ADORA1: variants seen among roughly 807,000 people sequenced by gnomAD.
ADORA1 encodes adenosine A1 receptor, also known as adenosine receptor A1.
ADORA1 carries 6 observed loss-of-function variants against 19.9 expected under a neutral mutation model. The ratio of observed to expected loss-of-function variants is 0.30; its 90% CI spans 0.17 to 0.59. ADORA1 has a LOEUF of 0.59. ADORA1 is among the 20% of genes least tolerant of loss of function. The pLI is 0.87. For synonymous variants in ADORA1, 194 were observed against 188.4 expected (o/e 1.03, Z -0.24); for missense variants, 302 against 439.2 (o/e 0.69, Z 2.79).
chr1:203,166,699 T>G lies in ADORA1; in HGVS notation c.*799T>G, dbSNP rs1293890295. On this transcript the variant is annotated 3_prime_UTR_variant, in exon 4 of 4. Coordinates refer to ENST00000337894, the MANE Select transcript of ADORA1 (RefSeq NM_000674.3). ...GAGCCCTCCTTCTTGCCCTGAGCTTTCCGGGGAGGAGCCTTGGAGTGTAAT... is the reference window on the plus strand; with the variant it reads ...GAGCCCTCCTTCTTGCCCTGAGCTTGCCGGGGAGGAGCCTTGGAGTGTAAT... 2.4e-5 allele frequency: 1 copy of G among 40,968 alleles called. No homozygotes were observed. Among genetic ancestry groups the G allele is most frequent in the Non-Finnish European group, 5.7e-5 (1 of 17,414 alleles). The allele number at this position is 40,968 out of a possible 1,614,324, so 2.5% of individuals were successfully genotyped here.
intron 3 of ADORA1, among the ~76,000 whole-genome samples, chr1:203,161,605 C>T (rs1655371130): frequency 6.8e-6 from 1 of 147,136 alleles, no homozygotes; most frequent in Non-Finnish European, 1.5e-5. Flanking sequence ...GATTTTCGCT[C>T]TTGTTGCCTA....
chr1:203,138,979 C>T (rs191956664), intron 3 of ADORA1, among the ~76,000 whole-genome samples: 10 of 152,122 alleles, frequency 6.6e-5, no homozygotes, highest in Admixed American at 3.9e-4. Flanking sequence ...CCACCATGCC[C>T]GGCTAATATT....
At chr1:203,159,188 G>A (rs546637568) in intron 3 of ADORA1, among the ~76,000 whole-genome samples, 1 of 152,330 alleles carries the variant, frequency 6.6e-6, no homozygotes, top group East Asian at 1.9e-4. Flanking sequence ...CTGCCTGGAT[G>A]GCTAAAATAG....
At chr1:203,154,913 G>A (rs922876826) in intron 3 of ADORA1, among the ~76,000 whole-genome samples, 9 of 152,230 alleles carry the variant, frequency 5.9e-5, no homozygotes, top group African/African-American at 7.2e-5. Flanking sequence ...TATGTAGGAC[G>A]TCTATGCCCA....
intron 3 of ADORA1, chr1:203,150,821 T>G: frequency 7.8e-7 from 1 of 1,287,174 alleles, no homozygotes; most frequent in Non-Finnish European, 1.0e-6. Flanking sequence ...CCCTATCTGC[T>G]GTCTGTTGAA....
rs781665257 is a variant in ADORA1, at chr1:203,165,451, G to T, written c.532G>T (p.Glu178Ter). The T allele has an allele frequency of 1.2e-6, 2 of 1,613,790 alleles. No individual in the cohort carries two copies. The highest frequency in any genetic ancestry group is 3.3e-5 in the Admixed American group (2 of 59,952). ...CGAGTTCGAGAAGGTCATCAGCATG[G>T]AGTACATGGTCTACTTCAACTTCTT... ...KCEFEKVISMEYMVYFNFFVW... is the reference protein window; with the variant it reads ...KCEFEKVISM The change falls in exon 4 of 4, where the codon GAG (glutamate) becomes TAG (stop). Residue 178 changes from glutamate to a stop codon, truncating the protein, a stop_gained. Transcript: ENST00000337894. LOFTEE classifies it high-confidence loss of function. The surrounding 1 kb of genome is among the most constrained non-coding windows in gnomAD (Gnocchi z 5.9).
Position 203,166,058 on chromosome 1 carries a change from T to C in ADORA1, c.*158T>C. 1 of 1,005,808 alleles carries C rather than the reference T, an allele frequency of 9.9e-7. No homozygotes were observed. Among genetic ancestry groups the C allele is most frequent in the Non-Finnish European group, 1.4e-6 (1 of 732,750 alleles). 62.3% of individuals were successfully genotyped at this position (1,005,808 alleles called of 1,614,324 possible). ...AGAGATACCCACAGAGTGTGGTCCC[T>C]CCACTAGGAGTTAACTACCCTACAC... On this transcript the variant is annotated 3_prime_UTR_variant, in exon 4 of 4. Transcript: ENST00000337894.
intron 3 of ADORA1, among the ~76,000 whole-genome samples, chr1:203,159,322 C>T (rs1449289008): frequency 1.3e-5 from 2 of 152,202 alleles, no homozygotes; most frequent in Non-Finnish European, 2.9e-5. Context: ...AATGACTTCC[C>T]CTCGTACTTA....
chr1:203,141,183 G>T (rs533838468), intron 3 of ADORA1, among the ~76,000 whole-genome samples: 28 of 152,364 alleles, frequency 1.8e-4, no homozygotes, highest in African/African-American at 5.5e-4. Flanking sequence ...TGGCATGGGG[G>T]CACGCTGTGT....
intron 3 of ADORA1, among the ~76,000 whole-genome samples, chr1:203,132,103 A>T (rs561805553): frequency 1.3e-5 from 2 of 152,210 alleles, no homozygotes; most frequent in East Asian, 1.9e-4. Context: ...CCAGTTACAA[A>T]ATTTTTTCTT....
chr1:203,135,042 T>C (rs1196846129), intron 3 of ADORA1, among the ~76,000 whole-genome samples: 1 of 152,166 alleles, frequency 6.6e-6, no homozygotes, highest in East Asian at 1.9e-4. Flanking sequence ...ACCAGTTTCC[T>C]CTGGTAGACA....
rs547308637 is a variant in ADORA1 at position 203,149,439 on chromosome 1, C to G, written c.342-15822C>G. Among the ~76,000 whole-genome samples the G allele has an allele frequency of 5.3e-5, 8 of 152,320 alleles. No individual in the cohort carries two copies. In the East Asian group the frequency reaches 1.5e-3, roughly 29 times the overall value. On this transcript the variant is annotated intron_variant, in intron 3 of 3. Coordinates refer to ENST00000337894, the MANE Select transcript of ADORA1 (RefSeq NM_000674.3). The stretch of plus-strand genomic sequence containing the variant: ...TGGGATACTGCCAGCAGCTAACATG[C>G]TGCTCTGTTTTACCCGTGCAAATGA...
intron 3 of ADORA1, among the ~76,000 whole-genome samples, chr1:203,156,125 G>T (rs929019822): frequency 6.6e-6 from 1 of 152,192 alleles, no homozygotes; most frequent in African/African-American, 2.4e-5. Flanking sequence ...GGATGCAGTG[G>T]TTAACATGCC....
chr1:203,164,552 A>G (rs1655471747), intron 3 of ADORA1, among the ~76,000 whole-genome samples: 1 of 152,166 alleles, frequency 6.6e-6, no homozygotes. Context: ...GGTTCTTGAG[A>G]TCAAGCCCTT....
chr1:203,133,731 CCT>C (rs1654416576), intron 3 of ADORA1, among the ~76,000 whole-genome samples: 1 of 152,244 alleles, frequency 6.6e-6, no homozygotes, highest in South Asian at 2.1e-4. Flanking sequence ...GCAGTTCCTG[CCT>C]CTGTCCATAG....
chr1:203,164,419 C>A (rs1280836202), intron 3 of ADORA1, among the ~76,000 whole-genome samples: 1 of 152,218 alleles, frequency 6.6e-6, no homozygotes, highest in Non-Finnish European at 1.5e-5. Context: ...ATGAATGCAT[C>A]CACGTATGCA....
Position 203,128,434 on chromosome 1 carries a change from T to C in ADORA1, c.-58+2T>C. The C allele has an allele frequency of 7.7e-7, 1 of 1,293,228 alleles. No individual in the cohort carries two copies. The highest frequency in any genetic ancestry group is 1.0e-6 in the Non-Finnish European group (1 of 991,382). The allele number at this position is 1,293,228 out of a possible 1,614,324, so 80.1% of individuals were successfully genotyped here. ...CCCTGCCGGCCAGCAGGCAGGATGG[T>C]GAGCTCCCTGCATCCTGTTCTGTGC... is the stretch of plus-strand genomic sequence containing the variant. On this transcript the variant is annotated splice_donor_variant, in intron 2 of 3. Transcript: ENST00000337894. LOFTEE classifies it low-confidence loss of function (5UTR_SPLICE). The surrounding 1 kb of genome is among the most constrained non-coding windows in gnomAD (Gnocchi z 5.9).
intron 3 of ADORA1, among the ~76,000 whole-genome samples, chr1:203,162,049 G>T (rs1390503065): frequency 6.6e-6 from 1 of 152,202 alleles, no homozygotes; most frequent in Non-Finnish European, 1.5e-5. Context: ...GGATGCTGTG[G>T]ACTTGGGAGG....
At chr1:203,150,642 T>G in intron 3 of ADORA1, 1 of 1,289,688 alleles carries the variant, frequency 7.8e-7, no homozygotes, top group Non-Finnish European at 1.0e-6. Context: ...GTCCCAAAAG[T>G]GGTGTCTTCT....
Sources: gnomAD v4.1 joint callset for allele counts (sites outside exome capture counted in the v4.1 genomes callset) on GRCh38, gnomAD v4.1.1 for gene constraint, Gnocchi (gnomAD v3.1) non-coding constraint, MANE v1.5 for transcripts, NCBI Gene and HGNC (gene_info 2026-07-23, HGNC 2026-07-21) for gene names.